The following ZFYVE9 variants were observed in gnomAD, a reference collection of about 807,000 sequenced individuals.
The protein encoded by ZFYVE9 is zinc finger FYVE-type containing 9.
Under a neutral mutation model 126.7 loss-of-function variants are expected in ZFYVE9, and 43 were observed. That is an observed-to-expected ratio of 0.34 (90% CI 0.27 to 0.44). ZFYVE9 has a LOEUF of 0.44. ZFYVE9 is among the 20% of genes least tolerant of loss of function. The pLI is 1.00. For synonymous variants in ZFYVE9, 521 were observed against 597.4 expected, an observed-to-expected ratio of 0.87 and a Z score of 1.87; for missense variants, 1,476 against 1,697.0, an observed-to-expected ratio of 0.87 and a Z score of 2.29.
intron 1 of ZFYVE9, among the ~76,000 whole-genome samples, chr1:52,202,422 G>A (rs1273161673): frequency 6.6e-6 from 1 of 151,858 alleles, no homozygotes; most frequent in Non-Finnish European, 1.5e-5. Context: ...TGGGATTACA[G>A]GCTTGCGCCA....
intron 1 of ZFYVE9, among the ~76,000 whole-genome samples, chr1:52,168,405 C>T (rs1018941643): frequency 7.9e-5 from 12 of 151,770 alleles, no homozygotes; most frequent in Non-Finnish European, 1.0e-4. Context: ...TCAATAGAGA[C>T]GGGGTTTCAC....
chr1:52,155,323 C>G (rs578058168), intron 1 of ZFYVE9, among the ~76,000 whole-genome samples: 45 of 151,412 alleles, frequency 3.0e-4, no homozygotes, highest in African/African-American at 9.0e-4. Flanking sequence ...AGGCTCCGCC[C>G]CCCGGGGTTC....
intron 10 of ZFYVE9, among the ~76,000 whole-genome samples, chr1:52,285,710 A>G (rs890993876): frequency 3.6e-4 from 55 of 152,270 alleles, no homozygotes; most frequent in Non-Finnish European, 3.8e-4. Flanking sequence ...ATTTCATGAC[A>G]TATTACAATG....
intron 1 of ZFYVE9, among the ~76,000 whole-genome samples, chr1:52,198,127 T>TG (rs1557451643): frequency 8.5e-6 from 1 of 117,132 alleles, no homozygotes; most frequent in African/African-American, 4.1e-5. Context: ...TTTGTTTGTT[T>TG]TTTTTTTTTT....
intron 1 of ZFYVE9, among the ~76,000 whole-genome samples, chr1:52,203,344 G>A (rs1347444728): frequency 3.3e-5 from 5 of 151,484 alleles, no homozygotes; most frequent in Non-Finnish European, 5.9e-5. Context: ...ACTACCGTCC[G>A]GCTAATTTTT....
At chr1:52,182,290 G>A (rs1206277399) in intron 1 of ZFYVE9, among the ~76,000 whole-genome samples, 1 of 152,232 alleles carries the variant, frequency 6.6e-6, no homozygotes, top group African/African-American at 2.4e-5. Flanking sequence ...TGACAGTGGC[G>A]GTTTTGTGGA....
chr1:52,300,863 G>GTTT (rs747924233), intron 12 of ZFYVE9, among the ~76,000 whole-genome samples: 3 of 137,272 alleles, frequency 2.2e-5, no homozygotes, highest in Admixed American at 7.4e-5. Context: ...AGGTTTTTTG[G>GTTT]TTTTTTTTTT....
At chr1:52,324,023 C>T (rs1199481560) in intron 13 of ZFYVE9, among the ~76,000 whole-genome samples, 2 of 150,460 alleles carry the variant, frequency 1.3e-5, no homozygotes, top group East Asian at 3.9e-4. Flanking sequence ...TGTGCCATTG[C>T]ACTCCAGCCT....
intron 1 of ZFYVE9, among the ~76,000 whole-genome samples, chr1:52,171,904 T>C (rs923227163): frequency 2.6e-5 from 4 of 152,232 alleles, no homozygotes; most frequent in African/African-American, 9.6e-5. Context: ...ATATTAGCTC[T>C]TTGTCAGATG....
rs1037196636 is a variant in ZFYVE9, at chr1:52,293,573, C to T, written c.3146C>T (p.Pro1049Leu). 66 of 1,613,922 alleles carry T rather than the reference C, an allele frequency of 4.1e-5. No homozygotes were observed. Among genetic ancestry groups the T allele is most frequent in the Non-Finnish European group, 5.3e-5 (63 of 1,180,028 alleles). ...TYQSLQDLVLPTPPYLFGILI... is the reference protein window; with the variant it reads ...TYQSLQDLVLLTPPYLFGILI... ...CAGTCACTGCAAGACCTAGTACTCC[C>T]AACCCCACCTTACTTGTTTGGGATT... Residue 1049 changes from proline (P) to leucine (L), a missense_variant, in exon 11 of 19, where the codon CCA becomes CTA. Physicochemically the swap from Pro to Leu is moderately conservative, Grantham distance 98 (BLOSUM62 -3). This residue lies in a region of ZFYVE9 where 669 missense variants were observed against 902.4 expected (regional missense o/e 0.74). Transcript: ENST00000287727.
chr1:52,296,140 T>TAC lies in ZFYVE9; in HGVS notation c.3333+175_3333+176dup, dbSNP rs548211770. 3.0e-4 allele frequency among the ~76,000 whole-genome samples: 45 copies of TAC among 151,096 alleles called. 2 individuals are homozygous for TAC. The South Asian group carries it at 6.9e-3, about 23-fold the overall frequency. On this transcript the variant is annotated intron_variant, in intron 12 of 18. Coordinates refer to ENST00000287727, the MANE Select transcript of ZFYVE9 (RefSeq NM_004799.4). ...GTATATGTATGTGTATATATATATATACACACACACACATATACATATATA... is the reference window on the plus strand; with the variant it reads ...GTATATGTATGTGTATATATATATATACACACACACACACATATACATATATA...
chr1:52,181,130 C>T (rs888687208), intron 1 of ZFYVE9, among the ~76,000 whole-genome samples: 42 of 152,136 alleles, frequency 2.8e-4, no homozygotes, highest in Admixed American at 2.4e-3. Context: ...CCTCTGATGC[C>T]GAGCCGAAGC....
chr1:52,226,851 T>C (rs760387561), intron 2 of ZFYVE9, among the ~76,000 whole-genome samples: 32 of 152,192 alleles, frequency 2.1e-4, no homozygotes, highest in Non-Finnish European at 4.1e-4. Context: ...ATTGCATTCT[T>C]TTGAATTTCT....
At position 52,326,693 on chromosome 1, in the gene ZFYVE9, CAAAAAAAAAAAA is replaced by C. The variant is rs34479038; in HGVS notation, c.3439-6065_3439-6054del. Reference sequence around the variant, plus strand: ...GTGAAACCCTGTCTCTACTCAATACCAAAAAAAAAAAAAAAAAAAAATAGCTGGACATGGTGG... The same window carrying C: ...GTGAAACCCTGTCTCTACTCAATACCAAAAAAAAATAGCTGGACATGGTGG... On this transcript the variant is annotated intron_variant, in intron 13 of 18. Coordinates refer to ENST00000287727, the MANE Select transcript of ZFYVE9 (RefSeq NM_004799.4). Among the ~76,000 whole-genome samples, 6 of 102,934 alleles carry C rather than the reference CAAAAAAAAAAAA, an allele frequency of 5.8e-5. No individual in the cohort carries two copies. The East Asian group carries it at 1.7e-3, about 29-fold the overall frequency. 67.5% of individuals were successfully genotyped at this position (102,934 alleles called of 152,430 possible).
chr1:52,161,138 A>G (rs1217664093), intron 1 of ZFYVE9, among the ~76,000 whole-genome samples: 1 of 152,200 alleles, frequency 6.6e-6, no homozygotes, highest in African/African-American at 2.4e-5. Context: ...CTGCTTATCC[A>G]TAGTTCCAAT....
chr1:52,170,055 T>C (rs1227461309), intron 1 of ZFYVE9, among the ~76,000 whole-genome samples: 1 of 152,226 alleles, frequency 6.6e-6, no homozygotes, highest in East Asian at 1.9e-4. Flanking sequence ...TATTGCTCTT[T>C]TTTAAAAATT....
chr1:52,149,260 T>C (rs1476981173), intron 1 of ZFYVE9, among the ~76,000 whole-genome samples: 1 of 151,922 alleles, frequency 6.6e-6, no homozygotes, highest in South Asian at 2.1e-4. Flanking sequence ...TCCTAACTGG[T>C]TTGAAAAAAA....
At chr1:52,328,527 G>C (rs528836541) in intron 13 of ZFYVE9, among the ~76,000 whole-genome samples, 17 of 152,208 alleles carry the variant, frequency 1.1e-4, no homozygotes, top group African/African-American at 3.9e-4. Flanking sequence ...TCTTTCATTG[G>C]ACTTGTAATT....
intron 1 of ZFYVE9, among the ~76,000 whole-genome samples, chr1:52,211,718 C>T (rs1468106403): frequency 6.6e-6 from 1 of 152,198 alleles, no homozygotes; most frequent in Non-Finnish European, 1.5e-5. Flanking sequence ...TGGTCAGATA[C>T]TGAATTTGTT....
Sources: gnomAD v4.1 joint callset for allele counts (sites outside exome capture counted in the v4.1 genomes callset) on GRCh38, gnomAD v4.1.1 for gene constraint, gnomAD v4.1.1 regional missense constraint, MANE v1.5 for transcripts, NCBI Gene and HGNC (gene_info 2026-07-23, HGNC 2026-07-21) for gene names.